Variants in ANAPC10 observed in about 807,000 individuals in gnomAD.
ANAPC10 encodes the protein anaphase-promoting complex subunit 10.
ANAPC10 carries 12 observed loss-of-function variants against 22.0 expected under a neutral mutation model. That is an observed-to-expected ratio of 0.55 (90% confidence interval 0.35 to 0.88). The LOEUF (loss-of-function observed/expected upper bound fraction) is 0.88, where lower values mean the gene tolerates loss of function less well. Ranked by LOEUF, ANAPC10 falls within the 40% of genes least tolerant of loss-of-function variation. The pLI is 0.01. For missense variants in ANAPC10, 188 were observed against 220.9 expected, an observed-to-expected ratio of 0.85 and a Z score of 0.94; for synonymous variants, 65 against 69.5, an observed-to-expected ratio of 0.94 and a Z score of 0.32.
intron 2 of ANAPC10, among the ~76,000 whole-genome samples, chr4:145,088,639 T>C (rs1484857441): frequency 2.0e-5 from 3 of 152,128 alleles, no homozygotes; most frequent in African/African-American, 7.2e-5. Context: ...CAAATCAACA[T>C]CATCTCTAAC....
chr4:145,097,610 G>A, intron 1 of ANAPC10: 1 of 1,023,380 alleles, frequency 9.8e-7, no homozygotes, highest in Non-Finnish European at 1.3e-6. Context: ...CAAGGCCTGA[G>A]GCTTAAACGC....
rs188710967 is a variant in ANAPC10, at chr4:145,016,638, A to G, written c.328-21035T>C. Reference sequence around the variant, plus strand: ...AAAACTACTTTAAAGTTCATATGGAACCAAAAGGGAGTCCACATTGCCAAG... The same window carrying G: ...AAAACTACTTTAAAGTTCATATGGAGCCAAAAGGGAGTCCACATTGCCAAG... On this transcript the variant is annotated intron_variant, in intron 4 of 4. Transcript: ENST00000507656. Among the ~76,000 whole-genome samples, 145 of 152,334 alleles carry G rather than the reference A, an allele frequency of 9.5e-4. 1 individual carries two copies. The highest frequency in any genetic ancestry group is 2.5e-3 in the South Asian group (12 of 4,824).
intron 4 of ANAPC10, among the ~76,000 whole-genome samples, chr4:144,997,167 G>A (rs1578846969): frequency 6.6e-6 from 1 of 152,318 alleles, no homozygotes; most frequent in South Asian, 2.1e-4. Context: ...TCACTCTTCA[G>A]GATATTGCCC....
At chr4:145,054,644 C>CGT (rs1215071357) in intron 4 of ANAPC10, among the ~76,000 whole-genome samples, 6 of 137,700 alleles carry the variant, frequency 4.4e-5, no homozygotes, top group African/African-American at 1.2e-4. Flanking sequence ...TGTGTGTGCG[C>CGT]GCGCGCGCGC....
At chr4:145,008,734 A>T (rs1404521787) in intron 4 of ANAPC10, among the ~76,000 whole-genome samples, 1 of 152,230 alleles carries the variant, frequency 6.6e-6, no homozygotes, top group African/African-American at 2.4e-5. Context: ...CCAATATCAT[A>T]CTGAATGGGC....
At chr4:145,026,403 AT>A (rs1386506121) in intron 4 of ANAPC10, among the ~76,000 whole-genome samples, 1 of 152,212 alleles carries the variant, frequency 6.6e-6, no homozygotes, top group Non-Finnish European at 1.5e-5. Context: ...GCATATAAGT[AT>A]AAAAAGTGCA....
intron 4 of ANAPC10, among the ~76,000 whole-genome samples, chr4:145,004,612 G>C (rs1309105776): frequency 6.6e-6 from 1 of 152,062 alleles, no homozygotes; most frequent in African/African-American, 2.4e-5. Flanking sequence ...CATGCTTTTT[G>C]TTTTCAGTTG....
At chr4:145,073,290 A>T (rs1744745645) in intron 3 of ANAPC10, among the ~76,000 whole-genome samples, 1 of 152,218 alleles carries the variant, frequency 6.6e-6, no homozygotes, top group Admixed American at 6.5e-5. Context: ...TAATTGCACA[A>T]ATGCTTTTTT....
intron 3 of ANAPC10, among the ~76,000 whole-genome samples, chr4:145,072,615 A>C (rs1323494619): frequency 1.3e-5 from 2 of 152,176 alleles, no homozygotes; most frequent in Non-Finnish European, 2.9e-5. Flanking sequence ...AGAGGTAGGA[A>C]AGTTAGTTCT....
At chr4:145,045,770 A>T (rs1740208042) in intron 4 of ANAPC10, among the ~76,000 whole-genome samples, 1 of 152,084 alleles carries the variant, frequency 6.6e-6, no homozygotes, top group Non-Finnish European at 1.5e-5. Context: ...CCAAGGCTAA[A>T]GTACTGTCTG....
intron 4 of ANAPC10, among the ~76,000 whole-genome samples, chr4:144,997,894 A>C (rs370298728): frequency 6.6e-6 from 1 of 152,216 alleles, no homozygotes; most frequent in East Asian, 1.9e-4. Context: ...AGATCTACCA[A>C]GCAAATGGAA....
intron 2 of ANAPC10, among the ~76,000 whole-genome samples, chr4:145,082,965 T>C (rs868501063): frequency 6.6e-6 from 1 of 152,194 alleles, no homozygotes; most frequent in Non-Finnish European, 1.5e-5. Context: ...TTTCAGTTTA[T>C]TGCATGCCCT....
At chr4:145,058,420 T>A (rs1307019475) in intron 4 of ANAPC10, among the ~76,000 whole-genome samples, 1 of 152,124 alleles carries the variant, frequency 6.6e-6, no homozygotes, top group Non-Finnish European at 1.5e-5. Flanking sequence ...CAAAACAATA[T>A]TGTGTTCCCA....
intron 4 of ANAPC10, among the ~76,000 whole-genome samples, chr4:145,034,347 G>A (rs1007542365): frequency 6.6e-6 from 1 of 151,770 alleles, no homozygotes; most frequent in African/African-American, 2.4e-5. Context: ...AAGGAGAGAT[G>A]GGCCTAGGCT....
rs189122602 is a variant in ANAPC10, at chr4:145,036,923, A to G, written c.327+27649T>C. ...AAAAGGAAGGATCATAGTTTTCCCT[A>G]AAGGGTAGGGGAAGGTTTGTGACAG... is the stretch of plus-strand genomic sequence containing the variant. On this transcript the variant is annotated intron_variant, in intron 4 of 4. Transcript: ENST00000507656. Among the ~76,000 whole-genome samples, 47 of 152,170 alleles carry G rather than the reference A, an allele frequency of 3.1e-4. 1 individual carries two copies. Among genetic ancestry groups the G allele is most frequent in the African/African-American group, 1.0e-3 (42 of 41,540 alleles).
intron 4 of ANAPC10, among the ~76,000 whole-genome samples, chr4:145,035,959 T>G (rs1189756251): frequency 6.6e-6 from 1 of 152,194 alleles, no homozygotes; most frequent in African/African-American, 2.4e-5. Flanking sequence ...AGAAAAAATG[T>G]GGAACTGAGA....
intron 4 of ANAPC10, among the ~76,000 whole-genome samples, chr4:145,003,309 C>G (rs1206354779): frequency 1.3e-5 from 2 of 152,064 alleles, no homozygotes; most frequent in Non-Finnish European, 2.9e-5. Context: ...TAGGTTGATT[C>G]CATGTCTTTA....
intron 4 of ANAPC10, among the ~76,000 whole-genome samples, chr4:145,048,516 C>G (rs1351995371): frequency 6.6e-6 from 1 of 152,076 alleles, no homozygotes; most frequent in Non-Finnish European, 1.5e-5. Flanking sequence ...AAAGGGTCAT[C>G]ATTAAGTCTA....
chr4:145,026,070 C>T (rs1184590786), intron 4 of ANAPC10, among the ~76,000 whole-genome samples: 1 of 152,192 alleles, frequency 6.6e-6, no homozygotes, highest in Non-Finnish European at 1.5e-5. Context: ...CTTCCTCTTG[C>T]TCAGCTACGA....
Sources: allele counts gnomAD v4.1 joint callset (sites outside exome capture counted in the v4.1 genomes callset), GRCh38; gene constraint gnomAD v4.1.1; transcripts MANE v1.5; gene names NCBI Gene and HGNC (gene_info 2026-07-23, HGNC 2026-07-21).